Variants in SCYL2 observed in about 807,000 individuals in gnomAD.
SCYL2 encodes SCY1-like protein 2.
Under a neutral mutation model 100.4 loss-of-function variants are expected in SCYL2, and 36 were observed. That is an observed-to-expected ratio of 0.36 (90% CI 0.27 to 0.47). SCYL2 has a LOEUF of 0.47. SCYL2 is among the 20% of genes least tolerant of loss of function. The pLI is 1.00. For synonymous variants in SCYL2, 330 were observed against 359.2 expected (o/e 0.92, Z 0.92); for missense variants, 902 against 1,083.9 (o/e 0.83, Z 2.36).
At chr12:100,295,861 G>C (rs1159120416) in intron 3 of SCYL2, among the ~76,000 whole-genome samples, 1 of 152,074 alleles carries the variant, frequency 6.6e-6, no homozygotes, top group Non-Finnish European at 1.5e-5. Flanking sequence ...ACTGGAAACT[G>C]GGGCAGACTG....
chr12:100,314,712 T>G, intron 8 of SCYL2, 98 bp downstream of exon 8: 2 of 1,206,762 alleles, frequency 1.7e-6, no homozygotes, highest in South Asian at 1.4e-5. Context: ...TAATATAACT[T>G]TGCCTGAGGT....
intron 1 of SCYL2, among the ~76,000 whole-genome samples, chr12:100,272,638 C>A (rs563396315): frequency 6.6e-6 from 1 of 152,292 alleles, no homozygotes; most frequent in South Asian, 2.1e-4. Flanking sequence ...AGTTCTTCCC[C>A]TATAAAACAA....
intron 3 of SCYL2, among the ~76,000 whole-genome samples, chr12:100,293,519 G>C (rs2096313001): frequency 6.7e-6 from 1 of 149,046 alleles, no homozygotes; most frequent in Non-Finnish European, 1.5e-5. Flanking sequence ...GTATTTACAT[G>C]TTTTTTTTTT....
At chr12:100,337,729 G>T (rs1952297503) in intron 17 of SCYL2, among the ~76,000 whole-genome samples, 1 of 152,124 alleles carries the variant, frequency 6.6e-6, no homozygotes, top group Non-Finnish European at 1.5e-5. Context: ...AAAGAAGCTA[G>T]AAGAATAGGA....
chr12:100,268,532 G>A (rs920269781), intron 1 of SCYL2, among the ~76,000 whole-genome samples: 1 of 152,116 alleles, frequency 6.6e-6, no homozygotes, highest in Admixed American at 6.6e-5. Context: ...GCTTTTGGGG[G>A]ATTGTGTAAA....
At chr12:100,324,203 G>A (rs987624983) in intron 11 of SCYL2, among the ~76,000 whole-genome samples, 8 of 152,198 alleles carry the variant, frequency 5.3e-5, no homozygotes, top group African/African-American at 1.9e-4. Context: ...TGTTAGTCAA[G>A]GAAGGTAGAA....
intron 11 of SCYL2, chr12:100,323,927 G>T (rs189449419): frequency 1.1e-5 from 2 of 183,532 alleles, no homozygotes; most frequent in East Asian, 2.8e-4. Context: ...TTATTTTGTT[G>T]TTAGTTTAAA....
chr12:100,300,138 T>G (rs2096325797), intron 4 of SCYL2, among the ~76,000 whole-genome samples: 1 of 152,234 alleles, frequency 6.6e-6, no homozygotes, highest in Admixed American at 6.5e-5. Flanking sequence ...TTCATATGCT[T>G]CTTTGCCATC....
At chr12:100,290,385 G>T (rs2096309161) in intron 2 of SCYL2, among the ~76,000 whole-genome samples, 1 of 152,084 alleles carries the variant, frequency 6.6e-6, no homozygotes, top group Non-Finnish European at 1.5e-5. Flanking sequence ...ACTTTTCAGA[G>T]ACTTACTCCT....
In SCYL2 at chr12:100,312,470, T is replaced by C. The variant is rs776524270; in HGVS notation, c.669T>C (p.Pro223=). 1 of 1,613,194 alleles carries C rather than the reference T, an allele frequency of 6.2e-7. No individual in the cohort carries two copies. The highest frequency in any genetic ancestry group is 1.7e-5 in the Admixed American group (1 of 60,002). Residue 223 remains proline (P), a synonymous_variant, in exon 6 of 18, where the codon CCT becomes CCC. Transcript: ENST00000360820. ...GTAAAGAATGGGACCCAAATTTACC[T>C]TCATTGTGTCTTCCAAATCCTGAAT... ...FPCKEWDPNL[P]SLCLPNPEYL... is the part of the protein sequence containing the mutation.
intron 1 of SCYL2, among the ~76,000 whole-genome samples, chr12:100,280,076 G>C (rs2096296451): frequency 6.6e-6 from 1 of 152,112 alleles, no homozygotes; most frequent in Non-Finnish European, 1.5e-5. Context: ...GGGCAATCCT[G>C]GTTCTCTTGT....
chr12:100,301,358 TC>T (rs2096327405), intron 4 of SCYL2, among the ~76,000 whole-genome samples: 1 of 152,218 alleles, frequency 6.6e-6, no homozygotes, highest in South Asian at 2.1e-4. Flanking sequence ...AGTTTTTTTT[TC>T]AATGGAGTTG....
intron 3 of SCYL2, among the ~76,000 whole-genome samples, chr12:100,294,575 A>AC (rs1472753527): frequency 1.3e-4 from 12 of 91,780 alleles, no homozygotes; most frequent in South Asian, 3.9e-4. Flanking sequence ...GCGGGGGCTG[A>AC]CCCCCCACCT....
rs987594258 is a variant in SCYL2 at position 100,324,504 on chromosome 12, G to C, written c.1509+866G>C. Among the ~76,000 whole-genome samples, 9 of 152,080 alleles carry C rather than the reference G, an allele frequency of 5.9e-5. No homozygotes were observed. The South Asian group carries it at 1.9e-3, about 32-fold the overall frequency. On this transcript the variant is annotated intron_variant, in intron 11 of 17. Transcript: ENST00000360820. The stretch of plus-strand genomic sequence containing the variant: ...ATGTGAATTTAAATAAAAATAAACA[G>C]CTTAATAAAATTATAAGCAAAAGTA...
intron 1 of SCYL2, among the ~76,000 whole-genome samples, chr12:100,268,989 CCTGA>C (rs1291100411): frequency 6.6e-6 from 1 of 152,198 alleles, no homozygotes; most frequent in Non-Finnish European, 1.5e-5. Context: ...CATCTCTCAT[CCTGA>C]CTACTTCCGT....
chr12:100,318,026 C>A, intron 10 of SCYL2, 101 bp downstream of exon 10: 2 of 1,026,578 alleles, frequency 1.9e-6, no homozygotes, highest in Non-Finnish European at 2.8e-6. Flanking sequence ...AAATACATAA[C>A]TCAATAGTAA....
intron 3 of SCYL2, among the ~76,000 whole-genome samples, chr12:100,295,658 A>G (rs2096319053): frequency 6.6e-6 from 1 of 152,142 alleles, no homozygotes; most frequent in Non-Finnish European, 1.5e-5. Context: ...AGTACAGTCC[A>G]GCTCCGGCTG....
intron 2 of SCYL2, 136 bp from the exon 3 acceptor site, chr12:100,291,367 C>G (rs1273324315): frequency 4.6e-5 from 27 of 585,906 alleles, no homozygotes; most frequent in Non-Finnish European, 3.8e-5. Flanking sequence ...ATAAGGAAAC[C>G]AACTCTTTGA....
chr12:100,322,823 A>G (rs559052147), intron 10 of SCYL2, among the ~76,000 whole-genome samples: 3 of 149,986 alleles, frequency 2.0e-5, no homozygotes, highest in African/African-American at 7.4e-5. Flanking sequence ...TCATGTCACT[A>G]CACTCCAGCC....
Sources: gnomAD v4.1 joint callset for allele counts (sites outside exome capture counted in the v4.1 genomes callset) on GRCh38, gnomAD v4.1.1 for gene constraint, MANE v1.5 for transcripts, NCBI Gene and HGNC (gene_info 2026-07-23, HGNC 2026-07-21) for gene names.